PAFAH1B1: variants seen among roughly 807,000 people sequenced by gnomAD.
PAFAH1B1 encodes platelet-activating factor acetylhydrolase IB subunit beta.
In PAFAH1B1, 2 loss-of-function variants were observed where a neutral mutation model predicts 57.5. The ratio of observed to expected loss-of-function variants is 0.03; its 90% CI spans 0.01 to 0.11. PAFAH1B1 has a LOEUF of 0.11. PAFAH1B1 is among the 10% of genes least tolerant of loss of function. PAFAH1B1 has a pLI of 1.00. For missense variants in PAFAH1B1, 257 were observed against 512.0 expected, an observed-to-expected ratio of 0.50 and a Z score of 4.81; for synonymous variants, 152 against 169.6, an observed-to-expected ratio of 0.90 and a Z score of 0.81.
intron 1 of PAFAH1B1, among the ~76,000 whole-genome samples, chr17:2,595,737 A>T: frequency 6.6e-6 from 1 of 151,736 alleles, no homozygotes. Context: ...AGAAGGGGGG[A>T]ATCTCCTAAA....
intron 1 of PAFAH1B1, among the ~76,000 whole-genome samples, chr17:2,600,359 C>G (rs1326413204): frequency 6.6e-6 from 1 of 151,882 alleles, no homozygotes; most frequent in Non-Finnish European, 1.5e-5. Flanking sequence ...AGAAGGTGAT[C>G]AGGAGTTCCA....
At position 2,684,869 on chromosome 17, in the gene PAFAH1B1, G is replaced by T. The variant is rs910851820; in HGVS notation, c.*3067G>T. ...CTGCCAGTGCCCTGCTCTCCCGTTC[G>T]CCTCTTTCTGTTTCTGTGTGAACTT... is the stretch of plus-strand genomic sequence containing the variant. On this transcript the variant is annotated 3_prime_UTR_variant, in exon 11 of 11. Transcript: ENST00000397195. 6.6e-6 allele frequency: 1 copy of T among 152,412 alleles called. No homozygotes were observed. Among genetic ancestry groups the T allele is most frequent in the Non-Finnish European group, 1.5e-5 (1 of 68,028 alleles). 9.4% of individuals were successfully genotyped at this position (152,412 alleles called of 1,614,324 possible). A position where few individuals can be genotyped will look rare whatever the true frequency, so the allele number is the denominator to read the frequency against.
Position 2,621,605 on chromosome 17 carries a change from G to GTTTTTTTTTTTTT in PAFAH1B1, c.-190-16493_-190-16492insTTTTTTTTTTTTT, listed in dbSNP as rs2068421993. Among the ~76,000 whole-genome samples the GTTTTTTTTTTTTT allele has an allele frequency of 1.2e-4, 11 of 93,208 alleles. 3 individuals carry two copies. The highest frequency in any genetic ancestry group is 3.3e-4 in the African/African-American group (7 of 21,296). The allele number at this position is 93,208 out of a possible 152,430, so 61.1% of individuals were successfully genotyped here. A position where few individuals can be genotyped will look rare whatever the true frequency, so the allele number is the denominator to read the frequency against. ...GCTATTCAAGCATGGTAGATAATCT[G>GTTTTTTTTTTTTT]TCTTTTTTTTTTTTTTTTTTTTTTT... On this transcript the variant is annotated intron_variant, in intron 1 of 10. Coordinates refer to ENST00000397195, the MANE Select transcript of PAFAH1B1 (RefSeq NM_000430.4).
intron 1 of PAFAH1B1, among the ~76,000 whole-genome samples, chr17:2,601,197 C>T (rs547528698): frequency 3.0e-4 from 44 of 145,402 alleles, no homozygotes; most frequent in South Asian, 6.6e-4. Context: ...TGCAGTGTTG[C>T]GATCTTGGCT....
At position 2,676,888 on chromosome 17, in the gene PAFAH1B1, C is replaced by T. The variant is rs538566042; in HGVS notation, c.1002+282C>T. 8.5e-4 allele frequency among the ~76,000 whole-genome samples: 129 copies of T among 152,196 alleles called. 2 individuals are homozygous for T. The highest frequency in any genetic ancestry group is 3.0e-3 in the African/African-American group (125 of 41,520). Reference sequence around the variant, plus strand: ...AAAATTGTGTAATATCTCGGCCGGGCGCGGTGGCTTACGCCTGTAATCCCA... The same window carrying T: ...AAAATTGTGTAATATCTCGGCCGGGTGCGGTGGCTTACGCCTGTAATCCCA... On this transcript the variant is annotated intron_variant, in intron 9 of 10. Coordinates refer to ENST00000397195, the MANE Select transcript of PAFAH1B1 (RefSeq NM_000430.4).
chr17:2,639,984 C>T (rs1283853200), intron 2 of PAFAH1B1: 1 of 152,110 alleles, frequency 6.6e-6, no homozygotes, highest in South Asian at 2.1e-4. Context: ...TAGCACAAAG[C>T]ATACTAATGT....
At chr17:2,598,656 A>T (rs2068109859) in intron 1 of PAFAH1B1, among the ~76,000 whole-genome samples, 1 of 152,024 alleles carries the variant, frequency 6.6e-6, no homozygotes. Flanking sequence ...AGTGGTATAC[A>T]ATACGAGTTC....
intron 1 of PAFAH1B1, chr17:2,613,724 G>T: frequency 3.4e-6 from 1 of 296,708 alleles, no homozygotes; most frequent in Non-Finnish European, 6.8e-6. Context: ...GTCCTCAAGG[G>T]CTGGGGCCTC....
At chr17:2,657,053 A>G (rs1028923681) in intron 2 of PAFAH1B1, among the ~76,000 whole-genome samples, 4 of 152,082 alleles carry the variant, frequency 2.6e-5, no homozygotes, top group African/African-American at 9.6e-5. Context: ...TCACTAGAGC[A>G]GTTTTAAGTA....
At chr17:2,607,864 A>G (rs1393929992) in intron 1 of PAFAH1B1, among the ~76,000 whole-genome samples, 1 of 152,128 alleles carries the variant, frequency 6.6e-6, no homozygotes, top group African/African-American at 2.4e-5. Flanking sequence ...AATGTTGTAT[A>G]TAGCCCTTCG....
At chr17:2,640,921 T>C (rs1156708934) in intron 2 of PAFAH1B1, 1 of 152,172 alleles carries the variant, frequency 6.6e-6, no homozygotes, top group Non-Finnish European at 1.5e-5. Context: ...TTACCACAAA[T>C]AAGTGGGAAG....
At position 2,676,355 on chromosome 17, in the gene PAFAH1B1, GT is replaced by G; in HGVS notation, c.901-149del. The G allele has an allele frequency of 8.0e-6, 5 of 627,218 alleles. No individual in the cohort carries two copies. The South Asian group carries it at 8.7e-5, about 11-fold the overall frequency. The allele number at this position is 627,218 out of a possible 1,614,324, so 38.9% of individuals were successfully genotyped here. ...ATTGCACCACGGTACTCCAGCCTGG[GT>G]GACAGAGCCAGACTCCGTCTGAAAA... On this transcript the variant is annotated intron_variant, in intron 8 of 10. Coordinates refer to ENST00000397195, the MANE Select transcript of PAFAH1B1 (RefSeq NM_000430.4).
chr17:2,606,712 G>C (rs896965136), intron 1 of PAFAH1B1, among the ~76,000 whole-genome samples: 2 of 143,642 alleles, frequency 1.4e-5, no homozygotes, highest in African/African-American at 5.1e-5. Flanking sequence ...TAGGGAATAT[G>C]TTAAATGTTA....
At chr17:2,664,405 G>A (rs2069066530) in intron 2 of PAFAH1B1, among the ~76,000 whole-genome samples, 1 of 146,792 alleles carries the variant, frequency 6.8e-6, no homozygotes, top group South Asian at 2.1e-4. Context: ...ACCACACCTG[G>A]CCTTTTTTTT....
chr17:2,679,568 A>G (rs186855868), intron 9 of PAFAH1B1: 1 of 136,022 alleles, frequency 7.4e-6, no homozygotes, highest in Admixed American at 7.6e-5. Context: ...ATGGATGATT[A>G]GATGGATGAT....
chr17:2,662,930 A>G (rs906541388), intron 2 of PAFAH1B1, among the ~76,000 whole-genome samples: 2 of 152,004 alleles, frequency 1.3e-5, no homozygotes, highest in African/African-American at 4.8e-5. Flanking sequence ...CCTGACCAAC[A>G]TGGAGAAACC....
chr17:2,666,081 AC>A lies in PAFAH1B1; in HGVS notation c.184del (p.Gln62LysfsTer7). 6.6e-7 allele frequency: 1 copy of A among 1,509,464 alleles called. No individual in the cohort carries two copies. The highest frequency in any genetic ancestry group is 1.8e-5 in the Admixed American group (1 of 56,056). 93.5% of individuals were successfully genotyped at this position (1,509,464 alleles called of 1,614,324 possible). On this transcript the variant is annotated frameshift_variant, in exon 4 of 11. Coordinates refer to ENST00000397195, the MANE Select transcript of PAFAH1B1 (RefSeq NM_000430.4). LOFTEE classifies it high-confidence loss of function. ...AAAAATGGACATCTGTTATTAGATTACAAAAGAAGGTAACTAAGTCTTTTTT... is the reference window on the plus strand; with the variant it reads ...AAAAATGGACATCTGTTATTAGATTAAAAAGAAGGTAACTAAGTCTTTTTT... Reference protein sequence around the residue: ...EKKWTSVIRLQKKVMELESKL... With the variant: ...EKKWTSVIRLXKKVMELESKL...
At chr17:2,678,060 C>T (rs556615219) in intron 9 of PAFAH1B1, among the ~76,000 whole-genome samples, 44 of 151,752 alleles carry the variant, frequency 2.9e-4, no homozygotes, top group South Asian at 1.0e-3. Context: ...AGTTCAGGAC[C>T]AGCCTGGCCA....
At chr17:2,611,199 G>A (rs1597514962) in intron 1 of PAFAH1B1, among the ~76,000 whole-genome samples, 1 of 152,146 alleles carries the variant, frequency 6.6e-6, no homozygotes, top group African/African-American at 2.4e-5. Flanking sequence ...GCCAGGCGCG[G>A]TGACTCATGC....
Sources: gnomAD v4.1 joint callset for allele counts (sites outside exome capture counted in the v4.1 genomes callset) on GRCh38, gnomAD v4.1.1 for gene constraint, MANE v1.5 for transcripts, NCBI Gene and HGNC (gene_info 2026-07-23, HGNC 2026-07-21) for gene names.